ADAMTSL1: variants seen among roughly 807,000 people sequenced by gnomAD.
ADAMTSL1 encodes the protein ADAMTS-like protein 1.
In ADAMTSL1, 126 loss-of-function variants were observed where a neutral mutation model predicts 201.8. The observed-to-expected ratio is 0.62, with a 90% CI of 0.54 to 0.72. The LOEUF (loss-of-function observed/expected upper bound fraction) is 0.72. Among genes scored for constraint, ADAMTSL1 ranks in the 30% least tolerant of loss-of-function variants. The probability of loss-of-function intolerance (pLI) is 0.00; values close to 1 mark genes in which losing one functional copy is unlikely to be tolerated. For missense variants in ADAMTSL1, 2,679 were observed against 2,277.8 expected, an observed-to-expected ratio of 1.18 and a Z score of -3.59; for synonymous variants, 1,121 against 903.4, an observed-to-expected ratio of 1.24 and a Z score of -4.32.
At chr9:18,516,087 C>CAAAAAAAAAAAA (rs11418722) in intron 2 of ADAMTSL1, among the ~76,000 whole-genome samples, 128 of 130,988 alleles carry the variant, frequency 9.8e-4, no homozygotes, top group Non-Finnish European at 1.8e-3. Flanking sequence ...CCTCAACTAC[C>CAAAAAAAAAAAA]AAAAAAAAAA....
chr9:18,451,934 G>A (rs1044778177), intron 2 of ADAMTSL1, among the ~76,000 whole-genome samples: 2 of 152,180 alleles, frequency 1.3e-5, no homozygotes, highest in Non-Finnish European at 2.9e-5. Flanking sequence ...CTTTGAGACC[G>A]AGTTTCGCTT....
chr9:17,952,238 G>A (rs574846034), intron 1 of ADAMTSL1, among the ~76,000 whole-genome samples: 1 of 151,638 alleles, frequency 6.6e-6, no homozygotes, highest in Admixed American at 6.6e-5. Context: ...ACAGGTGTGA[G>A]CCACTACTTC....
intron 1 of ADAMTSL1, among the ~76,000 whole-genome samples, chr9:17,982,650 G>C (rs115742882): frequency 1.3e-5 from 2 of 151,798 alleles, no homozygotes; most frequent in Non-Finnish European, 1.5e-5. Context: ...AAATAAAACC[G>C]GGCAGGATAT....
intron 1 of ADAMTSL1, among the ~76,000 whole-genome samples, chr9:18,062,983 A>T (rs1822528949): frequency 6.6e-6 from 1 of 152,188 alleles, no homozygotes; most frequent in Non-Finnish European, 1.5e-5. Context: ...TAACTTTATT[A>T]AATAAACTGA....
chr9:18,867,464 A>T (rs1014087193), intron 23 of ADAMTSL1, among the ~76,000 whole-genome samples: 2 of 152,154 alleles, frequency 1.3e-5, no homozygotes, highest in Admixed American at 1.3e-4. Flanking sequence ...TCTTTTTATT[A>T]TGGGTAATTT....
chr9:18,668,617 G>A (rs558469643), intron 9 of ADAMTSL1, among the ~76,000 whole-genome samples: 166 of 152,262 alleles, frequency 1.1e-3, no homozygotes, highest in Non-Finnish European at 1.9e-3. Flanking sequence ...ATCTAGGCCT[G>A]AGTTTTGCCC....
At chr9:18,123,327 G>T (rs1825584977) in intron 1 of ADAMTSL1, among the ~76,000 whole-genome samples, 1 of 152,080 alleles carries the variant, frequency 6.6e-6, no homozygotes, top group Non-Finnish European at 1.5e-5. Context: ...ACAATTTATT[G>T]TTTGGGTATA....
chr9:18,694,817 C>A (rs1181252685), intron 13 of ADAMTSL1, among the ~76,000 whole-genome samples: 2 of 152,200 alleles, frequency 1.3e-5, no homozygotes, highest in Non-Finnish European at 2.9e-5. Flanking sequence ...GCCTCCAATC[C>A]CACATTTCCC....
At chr9:18,704,941 C>G (rs975866534) in intron 13 of ADAMTSL1, among the ~76,000 whole-genome samples, 1 of 152,216 alleles carries the variant, frequency 6.6e-6, no homozygotes, top group Non-Finnish European at 1.5e-5. Flanking sequence ...GTGGATGACT[C>G]TTCAAAGGTA....
At chr9:18,635,019 C>G (rs1364844998) in intron 5 of ADAMTSL1, among the ~76,000 whole-genome samples, 1 of 148,338 alleles carries the variant, frequency 6.7e-6, no homozygotes, top group East Asian at 2.0e-4. Flanking sequence ...TTCTGAAGTG[C>G]CTTTCTATCC....
intron 1 of ADAMTSL1, among the ~76,000 whole-genome samples, chr9:18,498,776 A>G (rs1472281286): frequency 6.6e-6 from 1 of 152,188 alleles, no homozygotes; most frequent in African/African-American, 2.4e-5. Context: ...AGGTTGTTCA[A>G]CCTCACAGCC....
intron 1 of ADAMTSL1, among the ~76,000 whole-genome samples, chr9:18,495,166 A>T (rs1166949720): frequency 6.6e-6 from 1 of 152,192 alleles, no homozygotes; most frequent in African/African-American, 2.4e-5. Context: ...TTTTGTTGTT[A>T]TCTCAATCTT....
At chr9:18,655,516 C>G (rs1828574566) in intron 7 of ADAMTSL1, among the ~76,000 whole-genome samples, 1 of 152,006 alleles carries the variant, frequency 6.6e-6, no homozygotes, top group African/African-American at 2.4e-5. Context: ...CAGAGTTTCT[C>G]CAAGTATTAT....
rs187650110 is a variant in ADAMTSL1 at position 18,657,630 on chromosome 9, C to G, written c.835-9C>G. ...CACATTACTTCTACTTTCCTGTTGA[C>G]TCCTGCAGATTCGTAACTCGGGCTC... is the stretch of plus-strand genomic sequence containing the variant. On this transcript the variant is annotated splice_polypyrimidine_tract_variant and intron_variant, in intron 7 of 28. Transcript: ENST00000380548. The G allele has an allele frequency of 6.2e-7, 1 of 1,607,938 alleles. No individual in the cohort carries two copies.
chr9:18,519,643 T>C (rs974739468), intron 2 of ADAMTSL1, among the ~76,000 whole-genome samples: 2 of 152,254 alleles, frequency 1.3e-5, no homozygotes, highest in South Asian at 2.1e-4. Flanking sequence ...TTTTTGTGTC[T>C]TTCACAGTGC....
intron 1 of ADAMTSL1, among the ~76,000 whole-genome samples, chr9:18,502,098 G>T (rs372483161): frequency 6.6e-6 from 1 of 152,192 alleles, no homozygotes. Context: ...ACTCTCCAAG[G>T]ATTTGGCATT....
intron 1 of ADAMTSL1, among the ~76,000 whole-genome samples, chr9:18,020,835 A>G (rs1429402615): frequency 1.3e-5 from 2 of 152,106 alleles, no homozygotes; most frequent in Admixed American, 1.3e-4. Flanking sequence ...GCTACTGGCC[A>G]AGGAGTGAGC....
At chr9:18,040,313 A>G (rs1007732267) in intron 1 of ADAMTSL1, among the ~76,000 whole-genome samples, 2 of 152,188 alleles carry the variant, frequency 1.3e-5, no homozygotes, top group African/African-American at 4.8e-5. Context: ...CTCTGATAAA[A>G]TAAAGCCCTT....
At chr9:18,780,446 T>G (rs989045380) in intron 19 of ADAMTSL1, among the ~76,000 whole-genome samples, 4 of 152,206 alleles carry the variant, frequency 2.6e-5, no homozygotes, top group Non-Finnish European at 5.9e-5. Flanking sequence ...TCACAAGAGT[T>G]TGAGAAGGGC....
Sources: gnomAD v4.1 joint callset for allele counts (sites outside exome capture counted in the v4.1 genomes callset) on GRCh38, gnomAD v4.1.1 for gene constraint, MANE v1.5 for transcripts, NCBI Gene and HGNC (gene_info 2026-07-23, HGNC 2026-07-21) for gene names.